SAMMSON: variants seen among roughly 807,000 people sequenced by gnomAD.
SAMMSON encodes survival associated mitochondrial melanoma specific oncogenic non-coding RNA.
chr3:70,011,725 C>T (rs901161575), intron 1 of SAMMSON, among the ~76,000 whole-genome samples: 4 of 151,492 alleles, frequency 2.6e-5, no homozygotes, highest in African/African-American at 9.7e-5. Flanking sequence ...TGGCAAAATC[C>T]TATAATGCCA....
intron 4 of SAMMSON, among the ~76,000 whole-genome samples, chr3:70,210,224 G>T (rs1369790336): frequency 6.6e-6 from 1 of 152,078 alleles, no homozygotes; most frequent in Non-Finnish European, 1.5e-5. Context: ...TAAGTGGTGT[G>T]CTACATTAAG....
intron 2 of SAMMSON, among the ~76,000 whole-genome samples, chr3:70,432,711 C>A (rs1701424178): frequency 6.6e-6 from 1 of 151,992 alleles, no homozygotes; most frequent in Non-Finnish European, 1.5e-5. Flanking sequence ...TTGCACTGTA[C>A]ATTTGTAAGT....
intron 7 of SAMMSON, among the ~76,000 whole-genome samples, chr3:70,341,211 C>A (rs1290211454): frequency 1.3e-5 from 2 of 152,010 alleles, no homozygotes; most frequent in Non-Finnish European, 2.9e-5. Context: ...CCTTCTTCAG[C>A]TTGGCCCTGC....
chr3:70,408,788 T>C (rs1701195791), intron 2 of SAMMSON, among the ~76,000 whole-genome samples: 1 of 152,178 alleles, frequency 6.6e-6, no homozygotes, highest in South Asian at 2.1e-4. Context: ...TCAGGTATCT[T>C]TTCAGCAATG....
chr3:70,296,488 T>A (rs909418177), intron 7 of SAMMSON, among the ~76,000 whole-genome samples: 3 of 152,182 alleles, frequency 2.0e-5, no homozygotes, highest in African/African-American at 7.2e-5. Context: ...TTGGTTAACA[T>A]AATTTTCCAA....
chr3:70,390,746 A>G (rs1206759464), downstream of SAMMSON, among the ~76,000 whole-genome samples: 1 of 152,148 alleles, frequency 6.6e-6, no homozygotes, highest in Admixed American at 6.6e-5. Flanking sequence ...TTTGGCAGGG[A>G]CATATATCCA....
chr3:70,406,475 GT>G, intron 2 of SAMMSON, among the ~76,000 whole-genome samples: 1 of 152,234 alleles, frequency 6.6e-6, no homozygotes, highest in Admixed American at 6.5e-5. Context: ...TGATTTCTTG[GT>G]TTTAAACATT....
chr3:70,152,504 C>G (rs1344789885), intron 4 of SAMMSON, among the ~76,000 whole-genome samples: 2 of 151,956 alleles, frequency 1.3e-5, no homozygotes, highest in Non-Finnish European at 2.9e-5. Flanking sequence ...TTTTCTTTTA[C>G]TTTTTCCATC....
intron 3 of SAMMSON, among the ~76,000 whole-genome samples, chr3:70,039,042 A>G (rs2067096675): frequency 6.6e-6 from 1 of 152,156 alleles, no homozygotes; most frequent in African/African-American, 2.4e-5. Flanking sequence ...TCATTATGAC[A>G]AACCTCTGTG....
chr3:70,336,941 A>G lies in SAMMSON; in HGVS notation n.740-17234A>G, dbSNP rs186407975. Among the ~76,000 whole-genome samples, 41 of 149,260 alleles carry G rather than the reference A, an allele frequency of 2.7e-4. No individual in the cohort carries two copies. In the Admixed American group the frequency reaches 2.8e-3, roughly 10 times the overall value. ...ATCTATTACTAGCTATTCCGGGACC[A>G]CCACCAAAGAATCAAATATTCTCCC... On this transcript the variant is annotated intron_variant and non_coding_transcript_variant, in intron 7 of 9. Coordinates refer to ENST00000642114, the Ensembl canonical transcript of SAMMSON.
chr3:70,148,168 T>C (rs1434232930), intron 4 of SAMMSON, among the ~76,000 whole-genome samples: 1 of 152,124 alleles, frequency 6.6e-6, no homozygotes, highest in Non-Finnish European at 1.5e-5. Context: ...ACTGGAATTT[T>C]CAAACATTAC....
intron 2 of SAMMSON, among the ~76,000 whole-genome samples, chr3:70,427,857 C>T (rs970317879): frequency 6.6e-6 from 1 of 151,662 alleles, no homozygotes; most frequent in African/African-American, 2.4e-5. Context: ...TCAAGGAAAT[C>T]TTTATCAACT....
chr3:70,011,837 G>T (rs1228669744), intron 1 of SAMMSON, among the ~76,000 whole-genome samples: 1 of 152,114 alleles, frequency 6.6e-6, no homozygotes. Flanking sequence ...CAGACCTAAA[G>T]AAGGAAATAA....
In SAMMSON at chr3:70,022,426, CAAAAAAAAAAAAA is replaced by C. The variant is rs60455629; in HGVS notation, n.417+8766_417+8778del. ...TACCCTAAAACTTAAAGTATAATAA[CAAAAAAAAAAAAA>C]AAAAAAAAAAAGAAATTGTATTGTG... On this transcript the variant is annotated intron_variant and non_coding_transcript_variant, in intron 3 of 9. Transcript: ENST00000642114. Among the ~76,000 whole-genome samples the C allele has an allele frequency of 4.6e-4, 42 of 91,120 alleles. 1 individual carries two copies. Among genetic ancestry groups the C allele is most frequent in the Middle Eastern group, 6.0e-3 (1 of 168 alleles). The allele number at this position is 91,120 out of a possible 152,430, so 59.8% of individuals were successfully genotyped here.
chr3:70,061,930 A>T (rs1420146538), intron 3 of SAMMSON, among the ~76,000 whole-genome samples: 2 of 152,066 alleles, frequency 1.3e-5, no homozygotes, highest in Non-Finnish European at 2.9e-5. Context: ...AAATGATTCT[A>T]TGTGTAAACA....
chr3:70,248,453 G>A (rs940039795), intron 4 of SAMMSON, among the ~76,000 whole-genome samples: 1 of 151,996 alleles, frequency 6.6e-6, no homozygotes. Context: ...GTAGGGTTCA[G>A]GGTAGAAAGA....
intron 3 of SAMMSON, among the ~76,000 whole-genome samples, chr3:70,020,978 A>G (rs549483268): frequency 6.6e-6 from 1 of 152,284 alleles, no homozygotes; most frequent in Non-Finnish European, 1.5e-5. Context: ...TGGTGAATGA[A>G]ATGAAATGTT....
chr3:70,177,678 T>G (rs1485706772), intron 4 of SAMMSON, among the ~76,000 whole-genome samples: 1 of 152,204 alleles, frequency 6.6e-6, no homozygotes, highest in African/African-American at 2.4e-5. Flanking sequence ...TTGCTTTACA[T>G]GCACAATCCT....
intron 2 of SAMMSON, among the ~76,000 whole-genome samples, chr3:70,415,859 T>C (rs1701260955): frequency 6.6e-6 from 1 of 152,198 alleles, no homozygotes; most frequent in Non-Finnish European, 1.5e-5. Context: ...TTATGTAATC[T>C]TACAAATGAC....
Sources: gnomAD v4.1 joint callset for allele counts (sites outside exome capture counted in the v4.1 genomes callset) on GRCh38, gnomAD v4.1.1 for gene constraint, MANE v1.5 for transcripts, NCBI Gene and HGNC (gene_info 2026-07-23, HGNC 2026-07-21) for gene names.